Variants in DCDC1 observed in about 807,000 individuals in gnomAD.
DCDC1 encodes doublecortin domain containing 1.
Under a neutral mutation model 178.3 loss-of-function variants are expected in DCDC1, and 200 were observed. The observed-to-expected ratio is 1.12, with a 90% CI of 1.00 to 1.26. DCDC1 has a LOEUF of 1.26. Ranked by LOEUF, DCDC1 falls within the 50% of genes most tolerant of loss-of-function variation. DCDC1 has a pLI of 0.00. For synonymous variants in DCDC1, 690 were observed against 604.8 expected, an observed-to-expected ratio of 1.14 and a Z score of -2.07; for missense variants, 1,983 against 1,749.2, an observed-to-expected ratio of 1.13 and a Z score of -2.38.
intron 14 of DCDC1, among the ~76,000 whole-genome samples, chr11:31,102,783 C>T (rs1403337460): frequency 6.6e-6 from 1 of 152,114 alleles, no homozygotes; most frequent in Non-Finnish European, 1.5e-5. Flanking sequence ...TTTGCATTCA[C>T]ACTAGTCACA....
At chr11:31,122,724 A>T (rs914595469) in intron 11 of DCDC1, among the ~76,000 whole-genome samples, 5 of 152,128 alleles carry the variant, frequency 3.3e-5, no homozygotes, top group African/African-American at 7.2e-5. Flanking sequence ...GACAAAAATG[A>T]AAGAAAGAAG....
intron 9 of DCDC1, among the ~76,000 whole-genome samples, chr11:31,186,065 G>A (rs1346126676): frequency 1.3e-5 from 2 of 152,114 alleles, no homozygotes; most frequent in African/African-American, 4.8e-5. Flanking sequence ...GAGCCAGGGA[G>A]ACCTTCCTGA....
intron 6 of DCDC1, among the ~76,000 whole-genome samples, chr11:31,298,310 A>G (rs951939058): frequency 6.6e-6 from 1 of 152,186 alleles, no homozygotes; most frequent in South Asian, 2.1e-4. Flanking sequence ...TCCCCTCTAA[A>G]TATGCTAGCC....
At chr11:31,142,755 T>A (rs576785290) in intron 9 of DCDC1, among the ~76,000 whole-genome samples, 1 of 152,282 alleles carries the variant, frequency 6.6e-6, no homozygotes, top group South Asian at 2.1e-4. Context: ...TACTATTAAT[T>A]CAGAATCAGA....
intron 3 of DCDC1, among the ~76,000 whole-genome samples, chr11:31,310,936 T>C (rs191174984): frequency 1.2e-3 from 177 of 152,252 alleles, no homozygotes; most frequent in African/African-American, 3.9e-3. Context: ...AAGGATACAC[T>C]AGTGACTTAA....
At chr11:31,350,173 C>T (rs1008172907) in intron 1 of DCDC1, among the ~76,000 whole-genome samples, 3 of 152,132 alleles carry the variant, frequency 2.0e-5, no homozygotes, top group South Asian at 2.1e-4. Context: ...GAAAGCCCAT[C>T]TAACAGTACC....
chr11:31,077,390 C>T (rs1590963419), intron 18 of DCDC1, among the ~76,000 whole-genome samples: 1 of 152,162 alleles, frequency 6.6e-6, no homozygotes, highest in African/African-American at 2.4e-5. Context: ...CTACTGCTGA[C>T]ATCCATTTGA....
At chr11:31,129,364 C>G (rs759096034) in intron 10 of DCDC1, among the ~76,000 whole-genome samples, 1 of 151,936 alleles carries the variant, frequency 6.6e-6, no homozygotes, top group East Asian at 1.9e-4. Context: ...AATAAATTGT[C>G]TACTCCATTT....
chr11:30,919,992 A>G (rs1946133256), intron 25 of DCDC1, among the ~76,000 whole-genome samples: 1 of 152,222 alleles, frequency 6.6e-6, no homozygotes, highest in African/African-American at 2.4e-5. Context: ...TCATTGCTGT[A>G]ATTGACTTCA....
intron 34 of DCDC1, among the ~76,000 whole-genome samples, chr11:30,899,096 T>C (rs779204956): frequency 2.0e-5 from 3 of 151,950 alleles, no homozygotes; most frequent in Non-Finnish European, 4.4e-5. Flanking sequence ...ATTTTAGTAC[T>C]TCCTCATTCA....
intron 8 of DCDC1, chr11:31,263,078 T>G: frequency 6.2e-7 from 1 of 1,612,704 alleles, no homozygotes; most frequent in African/African-American, 1.3e-5. Flanking sequence ...GCTTTCCTGT[T>G]TTGATAAGTA....
intron 20 of DCDC1, among the ~76,000 whole-genome samples, chr11:30,996,847 T>C (rs1402446781): frequency 1.3e-5 from 2 of 152,222 alleles, no homozygotes; most frequent in Non-Finnish European, 2.9e-5. Context: ...GCTAGGTATT[T>C]TCTCACATGA....
chr11:31,272,379 G>T (rs1382377878), intron 7 of DCDC1, among the ~76,000 whole-genome samples: 1 of 152,032 alleles, frequency 6.6e-6, no homozygotes, highest in Non-Finnish European at 1.5e-5. Flanking sequence ...CTCACATTTT[G>T]AAACCAATCA....
rs1954758687 is a variant in DCDC1, at chr11:31,045,253, A to G, written c.2591+19216T>C. 2.6e-5 allele frequency among the ~76,000 whole-genome samples: 4 copies of G among 152,238 alleles called. No individual in the cohort carries two copies. The South Asian group carries it at 8.3e-4, about 32-fold the overall frequency. ...CAAATAAAACAGGAAAAAGACTCTC[A>G]AATTTAGGAATTTAATTTTTACTCT... On this transcript the variant is annotated intron_variant, in intron 20 of 38. Coordinates refer to ENST00000684477, the MANE Select transcript of DCDC1 (RefSeq NM_001387274.1).
At chr11:31,007,264 T>C (rs1296757473) in intron 20 of DCDC1, among the ~76,000 whole-genome samples, 1 of 152,190 alleles carries the variant, frequency 6.6e-6, no homozygotes, top group Non-Finnish European at 1.5e-5. Context: ...GTTTCACTCA[T>C]TGAGACTGTG....
At chr11:30,950,260 G>A (rs1223201922) in intron 21 of DCDC1, among the ~76,000 whole-genome samples, 1 of 152,128 alleles carries the variant, frequency 6.6e-6, no homozygotes, top group Non-Finnish European at 1.5e-5. Context: ...ATGTAAATTA[G>A]TACAGCCATT....
chr11:31,224,013 A>G (rs933566155), intron 9 of DCDC1, among the ~76,000 whole-genome samples: 2 of 151,996 alleles, frequency 1.3e-5, no homozygotes, highest in Admixed American at 6.6e-5. Flanking sequence ...ATGATAGTGA[A>G]TAAGTCTCAT....
intron 11 of DCDC1, among the ~76,000 whole-genome samples, chr11:31,116,895 A>C (rs1960050854): frequency 6.6e-6 from 1 of 152,070 alleles, no homozygotes; most frequent in Non-Finnish European, 1.5e-5. Context: ...AGCCCAGAAA[A>C]GGCATACCAA....
At chr11:31,347,950 G>A (rs556055135) in intron 1 of DCDC1, among the ~76,000 whole-genome samples, 45 of 152,306 alleles carry the variant, frequency 3.0e-4, no homozygotes, top group African/African-American at 1.1e-3. Context: ...GAAGTGACAA[G>A]ATCATAAATT....
Sources: allele counts gnomAD v4.1 joint callset (sites outside exome capture counted in the v4.1 genomes callset), GRCh38; gene constraint gnomAD v4.1.1; transcripts MANE v1.5; gene names NCBI Gene and HGNC (gene_info 2026-07-23, HGNC 2026-07-21).